Variants in MAN1A1 observed in about 807,000 individuals in gnomAD.
The protein encoded by MAN1A1 is mannosyl-oligosaccharide 1,2-alpha-mannosidase IA.
In MAN1A1, 29 loss-of-function variants were observed where a neutral mutation model predicts 70.8. The ratio of observed to expected loss-of-function variants is 0.41; its 90% CI spans 0.31 to 0.56. The LOEUF is 0.56. Ranked by LOEUF, MAN1A1 falls within the 20% of genes least tolerant of loss-of-function variation. The pLI is 0.29. For missense variants in MAN1A1, 747 were observed against 841.3 expected, an observed-to-expected ratio of 0.89 and a Z score of 1.39; for synonymous variants, 349 against 330.1, an observed-to-expected ratio of 1.06 and a Z score of -0.62.
At chr6:119,180,014 C>T in intron 12 of MAN1A1, 69 bp from the exon 13 acceptor site, 1 of 1,471,858 alleles carries the variant, frequency 6.8e-7, no homozygotes. Context: ...AAACACACAG[C>T]AAAAACCACA....
intron 5 of MAN1A1, among the ~76,000 whole-genome samples, chr6:119,280,390 C>A (rs1384442367): frequency 6.6e-6 from 1 of 152,210 alleles, no homozygotes; most frequent in African/African-American, 2.4e-5. Flanking sequence ...CCTACTCCTA[C>A]TTTATAGGGT....
chr6:119,232,713 GTGTGTA>G (rs549197861), intron 6 of MAN1A1, among the ~76,000 whole-genome samples: 4,212 of 127,954 alleles, frequency 0.033, 172 homozygotes, highest in African/African-American at 0.095. Context: ...GTGTGTGTGT[GTGTGTA>G]TATTTGGAAA....
At position 119,228,071 on chromosome 6, in the gene MAN1A1, C is replaced by A. The variant is rs919865330; in HGVS notation, c.992+20189G>T. On this transcript the variant is annotated intron_variant, in intron 6 of 12. Coordinates refer to ENST00000368468, the MANE Select transcript of MAN1A1 (RefSeq NM_005907.4). The stretch of plus-strand genomic sequence containing the variant: ...GACAAGAAACAAAACATTTTATATC[C>A]TAGTTCTTAGTTTAACATATTCAAC... Among the ~76,000 whole-genome samples, 3 of 152,052 alleles carry A rather than the reference C, an allele frequency of 2.0e-5. No homozygotes were observed. In the South Asian group the frequency reaches 6.2e-4, roughly 32 times the overall value.
In MAN1A1 at chr6:119,290,677, T is replaced by C; in HGVS notation, c.897+6A>G. On this transcript the variant is annotated splice_donor_region_variant and intron_variant, in intron 5 of 12. Coordinates refer to ENST00000368468, the MANE Select transcript of MAN1A1 (RefSeq NM_005907.4). ...ATTCACATTTATATACCACTTTTCATCTTACCTCTTCTCCAGACAGATAGT... is the reference window on the plus strand; with the variant it reads ...ATTCACATTTATATACCACTTTTCACCTTACCTCTTCTCCAGACAGATAGT... The C allele has an allele frequency of 1.2e-6, 2 of 1,600,578 alleles. No homozygotes were observed. The highest frequency in any genetic ancestry group is 1.7e-6 in the Non-Finnish European group (2 of 1,171,496).
chr6:119,258,941 A>G (rs1162738529), intron 5 of MAN1A1, among the ~76,000 whole-genome samples: 2 of 152,174 alleles, frequency 1.3e-5, no homozygotes, highest in Non-Finnish European at 2.9e-5. Flanking sequence ...TAAATAAGTG[A>G]ATAGAGAATA....
intron 5 of MAN1A1, among the ~76,000 whole-genome samples, chr6:119,275,684 C>T (rs919288310): frequency 2.0e-5 from 3 of 152,120 alleles, no homozygotes; most frequent in South Asian, 2.1e-4. Context: ...TCAGGTGATT[C>T]GCTCGCCTTG....
At chr6:119,330,435 C>T (rs1339583813) in intron 2 of MAN1A1, among the ~76,000 whole-genome samples, 2 of 152,056 alleles carry the variant, frequency 1.3e-5, no homozygotes, top group Non-Finnish European at 2.9e-5. Context: ...CTATAAATTC[C>T]GGTTTTAAGT....
At chr6:119,216,613 AT>A (rs1774211254) in intron 6 of MAN1A1, among the ~76,000 whole-genome samples, 1 of 152,218 alleles carries the variant, frequency 6.6e-6, no homozygotes, top group African/African-American at 2.4e-5. Context: ...AAAAAGCCAA[AT>A]TCATGCATTT....
At chr6:119,299,980 A>C (rs558830012) in intron 4 of MAN1A1, among the ~76,000 whole-genome samples, 124 of 152,318 alleles carry the variant, frequency 8.1e-4, no homozygotes, top group Non-Finnish European at 1.6e-3. Context: ...ATATTTGAGG[A>C]GGTTTGGGGC....
At position 119,311,204 on chromosome 6, in the gene MAN1A1, A is replaced by G. The variant is rs76476466; in HGVS notation, c.604-4212T>C. 5.9e-3 allele frequency among the ~76,000 whole-genome samples: 894 copies of G among 152,320 alleles called. 30 individuals are homozygous for G. The East Asian group carries it at 0.09, about 15-fold the overall frequency. ...ATTAAGTGCTCAATGCATTTTAGGCATTATAATTACTTTTATTAAAAACCT... is the reference window on the plus strand; with the variant it reads ...ATTAAGTGCTCAATGCATTTTAGGCGTTATAATTACTTTTATTAAAAACCT... On this transcript the variant is annotated intron_variant, in intron 2 of 12. Coordinates refer to ENST00000368468, the MANE Select transcript of MAN1A1 (RefSeq NM_005907.4).
intron 6 of MAN1A1, among the ~76,000 whole-genome samples, chr6:119,210,264 A>C (rs944503890): frequency 1.3e-5 from 2 of 152,160 alleles, no homozygotes; most frequent in Non-Finnish European, 2.9e-5. Context: ...CTCCTTGCTA[A>C]CTTCTATCAA....
At chr6:119,328,945 C>A (rs1018981221) in intron 2 of MAN1A1, among the ~76,000 whole-genome samples, 1 of 152,176 alleles carries the variant, frequency 6.6e-6, no homozygotes, top group Non-Finnish European at 1.5e-5. Flanking sequence ...GAACTCTGGA[C>A]AACTTGCCTC....
chr6:119,217,905 G>A (rs964851622), intron 6 of MAN1A1, among the ~76,000 whole-genome samples: 2 of 152,096 alleles, frequency 1.3e-5, no homozygotes, highest in Non-Finnish European at 2.9e-5. Context: ...TTAGCAACAT[G>A]CCTGTTTCAA....
intron 2 of MAN1A1, among the ~76,000 whole-genome samples, chr6:119,313,617 G>T (rs1772771110): frequency 6.6e-6 from 1 of 151,336 alleles, no homozygotes; most frequent in Non-Finnish European, 1.5e-5. Context: ...AAGCAGTACT[G>T]CCAGATTTAG....
intron 9 of MAN1A1, among the ~76,000 whole-genome samples, chr6:119,193,164 T>C (rs1773484260): frequency 6.6e-6 from 1 of 152,118 alleles, no homozygotes; most frequent in African/African-American, 2.4e-5. Context: ...TCAAGTACTG[T>C]GAGAGAGAAA....
chr6:119,323,437 C>T (rs910966980), intron 2 of MAN1A1, among the ~76,000 whole-genome samples: 1 of 152,158 alleles, frequency 6.6e-6, no homozygotes, highest in Non-Finnish European at 1.5e-5. Context: ...TTAACCAATA[C>T]TTAGCAATTG....
chr6:119,217,102 G>C (rs1048913022), intron 6 of MAN1A1, among the ~76,000 whole-genome samples: 1 of 152,118 alleles, frequency 6.6e-6, no homozygotes, highest in African/African-American at 2.4e-5. Context: ...CAAAGAGTAT[G>C]TCCTAATACA....
intron 6 of MAN1A1, among the ~76,000 whole-genome samples, chr6:119,241,478 T>C (rs534768638): frequency 5.9e-5 from 9 of 152,290 alleles, no homozygotes; most frequent in Non-Finnish European, 1.3e-4. Flanking sequence ...AGCTGGAATC[T>C]GGTTAGAAAA....
chr6:119,281,711 A>T (rs190522198), intron 5 of MAN1A1, among the ~76,000 whole-genome samples: 28 of 152,298 alleles, frequency 1.8e-4, no homozygotes, highest in Admixed American at 6.5e-4. Flanking sequence ...GTTTGCTGCT[A>T]TGTGTAGGGA....
Sources: allele counts gnomAD v4.1 joint callset (sites outside exome capture counted in the v4.1 genomes callset), GRCh38; gene constraint gnomAD v4.1.1; transcripts MANE v1.5; gene names NCBI Gene and HGNC (gene_info 2026-07-23, HGNC 2026-07-21).